The following KCNQ2 variants were observed in gnomAD, a reference collection of about 807,000 sequenced individuals.
KCNQ2 encodes the protein potassium voltage-gated channel subfamily KQT member 2.
In KCNQ2, 14 loss-of-function variants were observed where a neutral mutation model predicts 84.8. The ratio of observed to expected loss-of-function variants is 0.17; its 90% confidence interval spans 0.11 to 0.26. The LOEUF is 0.26. KCNQ2 is among the 10% of genes least tolerant of loss of function. KCNQ2 has a pLI of 1.00. For missense variants in KCNQ2, 788 were observed against 1,254.0 expected (o/e 0.63, Z 5.61); for synonymous variants, 599 against 554.1 (o/e 1.08, Z -1.14).
chr20:63,433,028 C>T (rs556243602), intron 8 of KCNQ2, among the ~76,000 whole-genome samples: 134 of 152,320 alleles, frequency 8.8e-4, no homozygotes, highest in Non-Finnish European at 1.7e-3. Context: ...CCCACACAGA[C>T]GGACTCGAGG....
At chr20:63,417,460 C>T (rs1004116895) in intron 12 of KCNQ2, among the ~76,000 whole-genome samples, 7 of 152,244 alleles carry the variant, frequency 4.6e-5, no homozygotes, top group African/African-American at 7.2e-5. Context: ...TCCTTTCTCA[C>T]GGCAGCTGGC....
rs762121418 is a variant in KCNQ2 at position 63,433,908 on chromosome 20, G to A, written c.1024-5C>T. Reference sequence around the variant, plus strand: ...GGCGTAGAATCTCCAGGCCGACTGCGGAGGGAAAGACAAGGCAGTTGGCGA... The same window carrying A: ...GGCGTAGAATCTCCAGGCCGACTGCAGAGGGAAAGACAAGGCAGTTGGCGA... On this transcript the variant is annotated splice_region_variant and splice_polypyrimidine_tract_variant and intron_variant, in intron 7 of 16. Coordinates refer to ENST00000359125, the MANE Select transcript of KCNQ2 (RefSeq NM_172107.4). 6.2e-6 allele frequency: 10 copies of A among 1,612,856 alleles called. No individual in the cohort carries two copies. The highest frequency in any genetic ancestry group is 5.0e-5 in the Admixed American group (3 of 59,980).
In KCNQ2 at chr20:63,404,457, G is replaced by C. The variant is rs1048204330; in HGVS notation, c.*2187C>G. Reference sequence around the variant, plus strand: ...AGCAGGCGGGGTCACACCTGCAGGGGGACACACAGCACAGCCTCCCTCCAC... The same window carrying C: ...AGCAGGCGGGGTCACACCTGCAGGGCGACACACAGCACAGCCTCCCTCCAC... On this transcript the variant is annotated 3_prime_UTR_variant, in exon 17 of 17. Coordinates refer to ENST00000359125, the MANE Select transcript of KCNQ2 (RefSeq NM_172107.4). The C allele has an allele frequency of 6.6e-6, 1 of 152,524 alleles. No individual in the cohort carries two copies. The highest frequency in any genetic ancestry group is 2.4e-5 in the African/African-American group (1 of 41,406). The allele number at this position is 152,524 out of a possible 1,614,324, so 9.4% of individuals were successfully genotyped here.
At chr20:63,442,564 C>T (rs770484829) in intron 4 of KCNQ2, 33 bp from the exon 5 acceptor site, 1 of 1,606,126 alleles carries the variant, frequency 6.2e-7, no homozygotes, top group East Asian at 2.2e-5. Flanking sequence ...ATCATGACCA[C>T]CATCACCAGA....
chr20:63,412,521 G>C (rs12481307), intron 15 of KCNQ2, among the ~76,000 whole-genome samples: 6,890 of 152,318 alleles, frequency 0.045, 250 homozygotes, highest in South Asian at 0.12. Flanking sequence ...CTGCACAGCA[G>C]GAGTGGGCTA....
rs541594503 is a variant in KCNQ2, at chr20:63,443,396, A to G, written c.691-865T>C. 3.6e-3 allele frequency among the ~76,000 whole-genome samples: 165 copies of G among 46,202 alleles called. 1 individual carries two copies. The highest frequency in any genetic ancestry group is 0.013 in the African/African-American group (159 of 12,704). The allele number at this position is 46,202 out of a possible 152,430, so 30.3% of individuals were successfully genotyped here. A position where few individuals can be genotyped will look rare whatever the true frequency, so the allele number is the denominator to read the frequency against. ...CACCACCATCATCACCACCACCATCACCATCACCACCATCACCATCACCAC... is the reference window on the plus strand; with the variant it reads ...CACCACCATCATCACCACCACCATCGCCATCACCACCATCACCATCACCAC... On this transcript the variant is annotated intron_variant, in intron 4 of 16. Transcript: ENST00000359125.
chr20:63,428,300 G>C lies in KCNQ2; in HGVS notation c.1217+67C>G, dbSNP rs1475812663. 2.4e-6 allele frequency: 3 copies of C among 1,230,184 alleles called. No individual in the cohort carries two copies. The African/African-American group carries it at 4.5e-5, about 18-fold the overall frequency. The allele number at this position is 1,230,184 out of a possible 1,614,324, so 76.2% of individuals were successfully genotyped here. On this transcript the variant is annotated intron_variant, in intron 10 of 16. Coordinates refer to ENST00000359125, the MANE Select transcript of KCNQ2 (RefSeq NM_172107.4). ...GGGGCACTGTCCTGGCGTGTCTTCT[G>C]TGGGCAGCTGGGGCCCCCAGGAGGA...
intron 8 of KCNQ2, among the ~76,000 whole-genome samples, chr20:63,432,873 T>C (rs554967802): frequency 4.7e-5 from 7 of 148,008 alleles, no homozygotes; most frequent in African/African-American, 7.6e-5. Context: ...CAGGGAAGGC[T>C]CCACCCACAG....
intron 1 of KCNQ2, among the ~76,000 whole-genome samples, chr20:63,456,344 TG>T (rs920775408): frequency 2.6e-5 from 4 of 152,188 alleles, no homozygotes; most frequent in Non-Finnish European, 4.4e-5. Context: ...AGGAGGGGTC[TG>T]GGCCCCCCGA....
intron 1 of KCNQ2, among the ~76,000 whole-genome samples, chr20:63,464,333 C>T (rs1012329253): frequency 3.4e-4 from 51 of 151,890 alleles, no homozygotes; most frequent in Non-Finnish European, 7.2e-4. Context: ...GTGGAGGGGC[C>T]GCCAAGTGCC....
At chr20:63,440,638 C>A (rs563023362) in intron 5 of KCNQ2, among the ~76,000 whole-genome samples, 18 of 152,282 alleles carry the variant, frequency 1.2e-4, no homozygotes, top group Non-Finnish European at 2.4e-4. Flanking sequence ...AAGGGGAGAC[C>A]TCTCACCAGG....
intron 1 of KCNQ2, chr20:63,471,879 G>A (rs1198663181): frequency 2.6e-6 from 1 of 384,590 alleles, no homozygotes; most frequent in African/African-American, 2.1e-5. Context: ...CGCGGGGAGG[G>A]GCCTCCCAGG....
intron 8 of KCNQ2, among the ~76,000 whole-genome samples, chr20:63,433,058 A>G (rs1278294388): frequency 6.6e-6 from 1 of 152,202 alleles, no homozygotes; most frequent in Non-Finnish European, 1.5e-5. Context: ...CGCGTGGACC[A>G]GGAGAAAGGC....
At chr20:63,443,424 T>TCACCACCATCATCAC (rs1568937835) in intron 4 of KCNQ2, among the ~76,000 whole-genome samples, 1 of 36,620 alleles carries the variant, frequency 2.7e-5, no homozygotes. Flanking sequence ...ATCACCACCA[T>TCACCACCATCATCAC]CATCACCATC....
At chr20:63,443,442 CCACCACCAT>C (rs2081316087) in intron 4 of KCNQ2, among the ~76,000 whole-genome samples, 1 of 64,624 alleles carries the variant, frequency 1.5e-5, no homozygotes, top group Non-Finnish European at 3.4e-5. Context: ...ATCACCATCA[CCACCACCAT>C]CACCATCACC....
Position 63,414,407 on chromosome 20 carries a change from GT to G in KCNQ2, c.1526-215del, listed in dbSNP as rs1204109531. Among the ~76,000 whole-genome samples, 1 of 152,174 alleles carries G rather than the reference GT, an allele frequency of 6.6e-6. No homozygotes were observed. The highest frequency in any genetic ancestry group is 6.5e-5 in the Admixed American group (1 of 15,286). ...CCCCGGCAGGCTGTGGCCACAGGGA[GT>G]GGCCGATATGGGGCGTCAAAGGACA... On this transcript the variant is annotated intron_variant, in intron 13 of 16. Transcript: ENST00000359125. The surrounding 1 kb of genome is among the most constrained non-coding windows in gnomAD (Gnocchi z 6.6).
rs754682495 is a variant in KCNQ2 at position 63,424,192 on chromosome 20, G to A, written c.1232C>T (p.Pro411Leu). The A allele has an allele frequency of 9.0e-6, 14 of 1,556,060 alleles. No individual in the cohort carries two copies. Among genetic ancestry groups the A allele is most frequent in the South Asian group, 5.9e-5 (5 of 84,372 alleles). The change falls in exon 11 of 17, where the codon CCG (proline) becomes CTG (leucine). Residue 411 changes from proline (P) to leucine (L), a missense_variant. Coordinates refer to ENST00000359125, the MANE Select transcript of KCNQ2 (RefSeq NM_172107.4). ...SGLAFRKDPP[P>L]EPSPSKGSPC... ...GGGCACTGACCTTGGAGACGGCTCC[G>A]GCGGGGGGTCCTTCCTTCAAACAGA...
intron 15 of KCNQ2, among the ~76,000 whole-genome samples, chr20:63,410,808 A>C (rs1180351543): frequency 1.3e-5 from 2 of 152,180 alleles, no homozygotes; most frequent in Non-Finnish European, 2.9e-5. Flanking sequence ...TCATTTGCCC[A>C]GACACTGGCA....
At position 63,407,275 on chromosome 20, in the gene KCNQ2, T is replaced by C. The variant is rs758747437; in HGVS notation, c.1988A>G (p.Glu663Gly). The C allele has an allele frequency of 1.8e-5, 28 of 1,595,908 alleles. No homozygotes were observed. In the East Asian group the frequency reaches 3.4e-4, roughly 19 times the overall value. ...GTGGTACGGCGGCGCCGGCTCCGGCTCTTTGGCCCCAAAGTAGGCCTCGGT... is the reference window on the plus strand; with the variant it reads ...GTGGTACGGCGGCGCCGGCTCCGGCCCTTTGGCCCCAAAGTAGGCCTCGGT... ...TETEAYFGAK[E>G]PEPAPPYHSP... is the part of the protein sequence containing the mutation. The change falls in exon 17 of 17, where the codon GAG becomes GGG. Residue 663 changes from glutamate to glycine, a missense_variant. Transcript: ENST00000359125. The surrounding 1 kb of genome is among the most constrained non-coding windows in gnomAD (Gnocchi z 7.2).
Sources: gnomAD v4.1 joint callset for allele counts (sites outside exome capture counted in the v4.1 genomes callset) on GRCh38, gnomAD v4.1.1 for gene constraint, Gnocchi (gnomAD v3.1) non-coding constraint, MANE v1.5 for transcripts, NCBI Gene and HGNC (gene_info 2026-07-23, HGNC 2026-07-21) for gene names.